ME3: variants seen among roughly 807,000 people sequenced by gnomAD.
ME3 encodes the protein malic enzyme 3.
Under a neutral mutation model 68.9 loss-of-function variants are expected in ME3, and 48 were observed. The ratio of observed to expected loss-of-function variants is 0.70; its 90% confidence interval spans 0.55 to 0.89. ME3 has a LOEUF of 0.89. ME3 is among the 40% of genes least tolerant of loss of function. ME3 has a pLI of 0.00. For synonymous variants in ME3, 320 were observed against 318.8 expected, an observed-to-expected ratio of 1.00 and a Z score of -0.04; for missense variants, 675 against 797.4, an observed-to-expected ratio of 0.85 and a Z score of 1.85.
intron 4 of ME3, among the ~76,000 whole-genome samples, chr11:86,526,374 C>T (rs551257972): frequency 6.6e-6 from 1 of 152,332 alleles, no homozygotes; most frequent in South Asian, 2.1e-4. Flanking sequence ...AGCCGGGAAG[C>T]TCGAACTGGG....
intron 7 of ME3, among the ~76,000 whole-genome samples, chr11:86,466,441 G>A (rs1950485683): frequency 6.6e-6 from 1 of 152,166 alleles, no homozygotes; most frequent in Admixed American, 6.5e-5. Flanking sequence ...GGTAGAAGTG[G>A]CCTGCCCTTC....
At position 86,649,342 on chromosome 11, in the gene ME3, C is replaced by T. The variant is rs575214569; in HGVS notation, c.183+22420G>A. Among the ~76,000 whole-genome samples, 3 of 152,252 alleles carry T rather than the reference C, an allele frequency of 2.0e-5. No homozygotes were observed. In the East Asian group the frequency reaches 5.8e-4, roughly 29 times the overall value. On this transcript the variant is annotated intron_variant, in intron 2 of 14. Coordinates refer to ENST00000543262, the Ensembl canonical transcript of ME3. ...AATAATAAGAGCTACTTATGACAAACCCACAGCCAATATCATACTGAATGG... is the reference window on the plus strand; with the variant it reads ...AATAATAAGAGCTACTTATGACAAATCCACAGCCAATATCATACTGAATGG...
intron 2 of ME3, among the ~76,000 whole-genome samples, chr11:86,571,152 A>G (rs1340332243): frequency 1.3e-5 from 2 of 152,236 alleles, no homozygotes; most frequent in Non-Finnish European, 2.9e-5. Context: ...CTGCAAGATG[A>G]TAAGTTTTTT....
chr11:86,657,833 C>CTT (rs1274500946), intron 2 of ME3, among the ~76,000 whole-genome samples: 1 of 152,174 alleles, frequency 6.6e-6, no homozygotes, highest in East Asian at 1.9e-4. Flanking sequence ...AGCTGGCAAG[C>CTT]TTATGATGTT....
At chr11:86,514,649 G>C (rs529833050) in intron 4 of ME3, among the ~76,000 whole-genome samples, 1 of 152,306 alleles carries the variant, frequency 6.6e-6, no homozygotes, top group African/African-American at 2.4e-5. Context: ...TTACTTCCTA[G>C]CTACATGGCT....
chr11:86,473,802 T>C (rs528867356), intron 7 of ME3, among the ~76,000 whole-genome samples: 1 of 152,006 alleles, frequency 6.6e-6, no homozygotes, highest in African/African-American at 2.4e-5. Flanking sequence ...ATACCGTGGA[T>C]TGGAGAAAGA....
rs1420912682 is a variant in ME3, at chr11:86,645,153, A to T, written c.183+26609T>A. Among the ~76,000 whole-genome samples the T allele has an allele frequency of 2.6e-5, 4 of 152,156 alleles. No individual in the cohort carries two copies. In the East Asian group the frequency reaches 7.7e-4, roughly 29 times the overall value. ...AGGCAGCCTTTTGGGCAGACACCAA[A>T]CTAGCTGCAGGAGTATTTTTTTTGT... is the stretch of plus-strand genomic sequence containing the variant. On this transcript the variant is annotated intron_variant, in intron 2 of 14. Transcript: ENST00000543262.
chr11:86,646,536 GA>G (rs1436243560), intron 2 of ME3, among the ~76,000 whole-genome samples: 1 of 152,194 alleles, frequency 6.6e-6, no homozygotes, highest in African/African-American at 2.4e-5. Context: ...AAGCCTCTAA[GA>G]AATATGGGAC....
rs546343198 is a variant in ME3, at chr11:86,570,457, G to T, written c.184-10634C>A. Among the ~76,000 whole-genome samples, 16 of 152,218 alleles carry T rather than the reference G, an allele frequency of 1.1e-4. No homozygotes were observed. The South Asian group carries it at 3.1e-3, about 30-fold the overall frequency. ...GGAGACAGGAAATGTGATTACTGAG[G>T]CTGCTGTTCCCTGCACTGAACCCCA... is the stretch of plus-strand genomic sequence containing the variant. On this transcript the variant is annotated intron_variant, in intron 2 of 14. Transcript: ENST00000543262.
intron 2 of ME3, among the ~76,000 whole-genome samples, chr11:86,623,317 G>C (rs1182677171): frequency 6.6e-6 from 1 of 152,078 alleles, no homozygotes; most frequent in Admixed American, 6.6e-5. Context: ...TCAGACTCTG[G>C]GACTTATACC....
chr11:86,436,109 A>G (rs1343703518), downstream of ME3: 1 of 152,178 alleles, frequency 6.6e-6, no homozygotes, highest in African/African-American at 2.4e-5. Context: ...GGGGAGTTAG[A>G]GTGAAGACTT....
intron 2 of ME3, among the ~76,000 whole-genome samples, chr11:86,664,632 C>G (rs1946481697): frequency 6.6e-6 from 1 of 152,112 alleles, no homozygotes; most frequent in Non-Finnish European, 1.5e-5. Flanking sequence ...TCCTACAGAA[C>G]AGTGGAAATA....
chr11:86,490,886 G>A lies in ME3; in HGVS notation c.706-3446C>T, dbSNP rs200443082. Among the ~76,000 whole-genome samples the A allele has an allele frequency of 3.9e-5, 6 of 152,252 alleles. No individual in the cohort carries two copies. In the East Asian group the frequency reaches 9.7e-4, roughly 25 times the overall value. ...ATATGCAGTTTCTGGGGTAAGTTAA[G>A]TTCCCCAGTGGCACTAAGGGATTTT... On this transcript the variant is annotated intron_variant, in intron 6 of 14. Coordinates refer to ENST00000543262, the Ensembl canonical transcript of ME3.
chr11:86,670,078 G>T (rs1484157166), intron 2 of ME3, among the ~76,000 whole-genome samples: 1 of 152,114 alleles, frequency 6.6e-6, no homozygotes, highest in African/African-American at 2.4e-5. Context: ...TAACTCCAGG[G>T]GTGGGCTCTG....
chr11:86,536,729 G>A (rs28865371), intron 4 of ME3, among the ~76,000 whole-genome samples: 73 of 149,786 alleles, frequency 4.9e-4, no homozygotes, highest in Non-Finnish European at 8.5e-4. Flanking sequence ...TCAGTGTGGC[G>A]ATTCCTCAGG....
chr11:86,486,502 G>C (rs754053361), intron 7 of ME3, among the ~76,000 whole-genome samples: 2 of 152,242 alleles, frequency 1.3e-5, no homozygotes, highest in Non-Finnish European at 2.9e-5. Flanking sequence ...CCAGCCCACT[G>C]TTCTGGTTGG....
At chr11:86,501,694 C>G (rs1287495980) in intron 5 of ME3, among the ~76,000 whole-genome samples, 1 of 152,206 alleles carries the variant, frequency 6.6e-6, no homozygotes, top group African/African-American at 2.4e-5. Flanking sequence ...TCCTCCTGCT[C>G]TCTGTTACCC....
intron 2 of ME3, among the ~76,000 whole-genome samples, chr11:86,666,942 T>C (rs1049011137): frequency 6.6e-6 from 1 of 152,144 alleles, no homozygotes; most frequent in South Asian, 2.1e-4. Flanking sequence ...GAGAACAAAA[T>C]CATATACTTT....
intron 2 of ME3, among the ~76,000 whole-genome samples, chr11:86,646,641 CAGG>C (rs1412349852): frequency 6.6e-6 from 1 of 152,132 alleles, no homozygotes; most frequent in East Asian, 1.9e-4. Flanking sequence ...GGATATTATC[CAGG>C]AGAACTTCCC....
Sources: gnomAD v4.1 joint callset for allele counts (sites outside exome capture counted in the v4.1 genomes callset) on GRCh38, gnomAD v4.1.1 for gene constraint, MANE v1.5 for transcripts, NCBI Gene and HGNC (gene_info 2026-07-23, HGNC 2026-07-21) for gene names.